CREB3L2: variants seen among roughly 807,000 people sequenced by gnomAD.
CREB3L2 encodes cyclic AMP-responsive element-binding protein 3-like protein 2.
In CREB3L2, 23 loss-of-function variants were observed where a neutral mutation model predicts 57.2. The observed-to-expected ratio is 0.40, with a 90% CI of 0.29 to 0.57. CREB3L2 has a LOEUF of 0.57. Ranked by LOEUF, CREB3L2 falls within the 20% of genes least tolerant of loss-of-function variation. The pLI, the probability that CREB3L2 is intolerant of heterozygous loss-of-function variation, is 0.42. For synonymous variants in CREB3L2, 268 were observed against 265.1 expected, an observed-to-expected ratio of 1.01 and a Z score of -0.11; for missense variants, 628 against 634.7, an observed-to-expected ratio of 0.99 and a Z score of 0.11.
intron 2 of CREB3L2, among the ~76,000 whole-genome samples, chr7:137,919,640 G>A (rs778756836): frequency 1.3e-5 from 2 of 152,158 alleles, no homozygotes; most frequent in Non-Finnish European, 2.9e-5. Flanking sequence ...TGTTTATGAT[G>A]ACAAAACACT....
intron 1 of CREB3L2, among the ~76,000 whole-genome samples, chr7:137,993,456 T>C (rs570841078): frequency 3.9e-5 from 6 of 152,344 alleles, no homozygotes; most frequent in African/African-American, 1.4e-4. Context: ...AAGTCACTAT[T>C]ATACTGAATT....
chr7:137,884,024 G>C (rs1022663717), intron 10 of CREB3L2, among the ~76,000 whole-genome samples: 1 of 152,190 alleles, frequency 6.6e-6, no homozygotes. Flanking sequence ...TTGTTTGTTT[G>C]AGATGGAGTC....
chr7:137,969,346 T>A (rs1398250228), intron 1 of CREB3L2, among the ~76,000 whole-genome samples: 1 of 138,940 alleles, frequency 7.2e-6, no homozygotes, highest in South Asian at 2.4e-4. Flanking sequence ...TCTTCTTTTT[T>A]TTTTTTTTTT....
At chr7:137,969,091 T>C (rs968914278) in intron 1 of CREB3L2, among the ~76,000 whole-genome samples, 2 of 152,270 alleles carry the variant, frequency 1.3e-5, no homozygotes, top group Middle Eastern at 3.4e-3. Flanking sequence ...AGAGCTCAAA[T>C]CTGGAACTCC....
intron 8 of CREB3L2, 44 bp downstream of exon 8, chr7:137,901,310 C>T: frequency 1.7e-6 from 2 of 1,202,582 alleles, no homozygotes; most frequent in Non-Finnish European, 1.2e-6. Context: ...CCTTCCCCAT[C>T]TTCCATTGGT....
At chr7:137,891,202 A>G (rs1328830050) in intron 8 of CREB3L2, among the ~76,000 whole-genome samples, 1 of 152,208 alleles carries the variant, frequency 6.6e-6, no homozygotes, top group African/African-American at 2.4e-5. Flanking sequence ...CTTGCAAAAG[A>G]GCAGTGGAAA....
chr7:137,982,175 G>C (rs913357264), intron 1 of CREB3L2, among the ~76,000 whole-genome samples: 9 of 152,146 alleles, frequency 5.9e-5, no homozygotes, highest in African/African-American at 2.2e-4. Context: ...TGTGATGAAA[G>C]ACACACATAT....
chr7:137,959,046 G>A (rs1250394073), intron 1 of CREB3L2, among the ~76,000 whole-genome samples: 1 of 152,196 alleles, frequency 6.6e-6, no homozygotes, highest in Non-Finnish European at 1.5e-5. Context: ...TGTCTGAGAA[G>A]GAACCTATTG....
intron 10 of CREB3L2, among the ~76,000 whole-genome samples, chr7:137,882,852 A>G (rs1186349964): frequency 6.6e-6 from 1 of 152,194 alleles, no homozygotes; most frequent in Non-Finnish European, 1.5e-5. Context: ...AGAACAATAG[A>G]AAAGCAAATA....
In CREB3L2 at chr7:137,960,809, C is replaced by CTTTTTTT. The variant is rs66493086; in HGVS notation, c.103-32450_103-32444dup. Reference sequence around the variant, plus strand: ...TTTTAAACTTAAAACTAAATTATTTCTTTTTTTTTTTTTTTTTTTTTGAGA... The same window carrying CTTTTTTT: ...TTTTAAACTTAAAACTAAATTATTTCTTTTTTTTTTTTTTTTTTTTTTTTTTTTGAGA... On this transcript the variant is annotated intron_variant, in intron 1 of 11. Transcript: ENST00000330387. Among the ~76,000 whole-genome samples the CTTTTTTT allele has an allele frequency of 6.7e-3, 637 of 95,562 alleles. 40 individuals carry two copies. The highest frequency in any genetic ancestry group is 0.011 in the African/African-American group (247 of 23,186). 62.7% of individuals were successfully genotyped at this position (95,562 alleles called of 152,430 possible).
At chr7:137,944,673 C>G (rs2117262395) in intron 1 of CREB3L2, among the ~76,000 whole-genome samples, 1 of 152,230 alleles carries the variant, frequency 6.6e-6, no homozygotes, top group South Asian at 2.1e-4. Flanking sequence ...GCTATGAAAA[C>G]AAACTGCTAC....
chr7:137,935,456 ATC>A (rs1176846268), intron 1 of CREB3L2, among the ~76,000 whole-genome samples: 1 of 152,214 alleles, frequency 6.6e-6, no homozygotes, highest in Non-Finnish European at 1.5e-5. Context: ...CCTTGAATTG[ATC>A]TCTCATTTCC....
At chr7:137,898,258 G>A (rs371360755) in intron 8 of CREB3L2, among the ~76,000 whole-genome samples, 97 of 152,266 alleles carry the variant, frequency 6.4e-4, no homozygotes, top group South Asian at 5.4e-3. Context: ...GACAAGGCGC[G>A]AAAAGTGTTG....
At chr7:137,978,688 C>T (rs769814679) in intron 1 of CREB3L2, among the ~76,000 whole-genome samples, 1 of 152,148 alleles carries the variant, frequency 6.6e-6, no homozygotes, top group Non-Finnish European at 1.5e-5. Context: ...TGCTGTCATT[C>T]CCCCTGGGTG....
chr7:137,964,660 G>A (rs571859175), intron 1 of CREB3L2, among the ~76,000 whole-genome samples: 20 of 152,240 alleles, frequency 1.3e-4, no homozygotes, highest in East Asian at 3.9e-4. Context: ...GAAAACAAAC[G>A]GACTGCTTTC....
intron 2 of CREB3L2, among the ~76,000 whole-genome samples, chr7:137,916,822 G>A (rs918783671): frequency 3.9e-5 from 6 of 152,128 alleles, no homozygotes; most frequent in African/African-American, 9.7e-5. Flanking sequence ...CAGCGAGAGC[G>A]ACAGAGAGAG....
At chr7:137,942,870 A>C (rs1283990033) in intron 1 of CREB3L2, among the ~76,000 whole-genome samples, 3 of 152,210 alleles carry the variant, frequency 2.0e-5, no homozygotes, top group Non-Finnish European at 4.4e-5. Flanking sequence ...GTCACAAAAG[A>C]TTATTTTCTG....
chr7:137,944,906 T>G (rs1490605506), intron 1 of CREB3L2, among the ~76,000 whole-genome samples: 1 of 151,940 alleles, frequency 6.6e-6, no homozygotes, highest in Non-Finnish European at 1.5e-5. Context: ...TTTTTTATTT[T>G]TTTTGAGACA....
Position 137,953,841 on chromosome 7 carries a change from C to T in CREB3L2, c.103-25475G>A, listed in dbSNP as rs149331243. Among the ~76,000 whole-genome samples, 488 of 152,228 alleles carry T rather than the reference C, an allele frequency of 3.2e-3. 3 individuals are homozygous for T. Among genetic ancestry groups the T allele is most frequent in the African/African-American group, 0.011 (459 of 41,536 alleles). On this transcript the variant is annotated intron_variant, in intron 1 of 11. Transcript: ENST00000330387. ...GGGGCACTTAAAACAGACGGTCAAA[C>T]AAAGATCTGCAGAAGGGAAAGGCAT...
Sources: allele counts gnomAD v4.1 joint callset (sites outside exome capture counted in the v4.1 genomes callset), GRCh38; gene constraint gnomAD v4.1.1; transcripts MANE v1.5; gene names NCBI Gene and HGNC (gene_info 2026-07-23, HGNC 2026-07-21).